Variants in PPP3CA observed in about 807,000 individuals in gnomAD.
PPP3CA encodes the protein protein phosphatase 3 catalytic subunit alpha.
A neutral mutation model predicts 66.5 loss-of-function variants in PPP3CA; 14 were observed. The ratio of observed to expected loss-of-function variants is 0.21; its 90% CI spans 0.14 to 0.33. The LOEUF (loss-of-function observed/expected upper bound fraction) is 0.33, where lower values mean the gene tolerates loss of function less well. Ranked by LOEUF, PPP3CA falls within the 10% of genes least tolerant of loss-of-function variation. The probability of loss-of-function intolerance (pLI) is 1.00; values close to 1 mark genes in which losing one functional copy is unlikely to be tolerated. For missense variants in PPP3CA, 317 were observed against 639.5 expected (o/e 0.50, Z 5.44); for synonymous variants, 232 against 226.2 (o/e 1.03, Z -0.23).
At chr4:101,277,384 C>T (rs1727535804) in intron 1 of PPP3CA, among the ~76,000 whole-genome samples, 2 of 152,172 alleles carry the variant, frequency 1.3e-5, no homozygotes, top group Non-Finnish European at 2.9e-5. Flanking sequence ...CGTGGACCTA[C>T]ATTTCCAATT....
intron 11 of PPP3CA, among the ~76,000 whole-genome samples, chr4:101,035,298 C>T (rs1299900761): frequency 6.7e-6 from 1 of 149,642 alleles, no homozygotes; most frequent in Admixed American, 6.6e-5. Flanking sequence ...ACAAAACCCC[C>T]CCAAAAACAT....
At chr4:101,098,836 A>G (rs548079194) in intron 4 of PPP3CA, among the ~76,000 whole-genome samples, 8 of 152,288 alleles carry the variant, frequency 5.3e-5, no homozygotes, top group Admixed American at 2.0e-4. Flanking sequence ...CTGGAAGACC[A>G]ATAGAAAAAC....
rs575020458 is a variant in PPP3CA at position 101,112,013 on chromosome 4, T to C, written c.260-2935A>G. Reference sequence around the variant, plus strand: ...CCCTTCTAGCTTCTTGTATCTTTTTTACTCTTCCATTTTAATTCCTGGCCA... The same window carrying C: ...CCCTTCTAGCTTCTTGTATCTTTTTCACTCTTCCATTTTAATTCCTGGCCA... On this transcript the variant is annotated intron_variant, in intron 2 of 13. Transcript: ENST00000394854. Among the ~76,000 whole-genome samples, 35 of 152,276 alleles carry C rather than the reference T, an allele frequency of 2.3e-4. No individual in the cohort carries two copies. The East Asian group carries it at 4.0e-3, about 18-fold the overall frequency.
chr4:101,265,042 T>G (rs752082425), intron 1 of PPP3CA, among the ~76,000 whole-genome samples: 14 of 152,150 alleles, frequency 9.2e-5, no homozygotes, highest in Non-Finnish European at 1.6e-4. Context: ...AACCAAAAAT[T>G]TATATTACCA....
chr4:101,189,201 T>C (rs1291009210), intron 2 of PPP3CA, among the ~76,000 whole-genome samples: 1 of 152,098 alleles, frequency 6.6e-6, no homozygotes, highest in Non-Finnish European at 1.5e-5. Flanking sequence ...AACACACACA[T>C]ATATAAACAC....
intron 1 of PPP3CA, among the ~76,000 whole-genome samples, chr4:101,337,646 A>C (rs1729672134): frequency 6.6e-6 from 1 of 152,228 alleles, no homozygotes; most frequent in Admixed American, 6.5e-5. Context: ...AGTGAGACAA[A>C]GTATATCCCG....
intron 8 of PPP3CA, 83 bp downstream of exon 8, chr4:101,080,449 C>G (rs1002159827): frequency 1.4e-6 from 1 of 706,064 alleles, no homozygotes; most frequent in Non-Finnish European, 2.1e-6. Context: ...GGTTAAAATA[C>G]TTAAGACCAA....
chr4:101,208,748 C>T (rs1249251296), intron 1 of PPP3CA, among the ~76,000 whole-genome samples: 1 of 152,066 alleles, frequency 6.6e-6, no homozygotes, highest in Non-Finnish European at 1.5e-5. Flanking sequence ...TTGTTTATGG[C>T]ATATAATTGA....
At chr4:101,117,596 A>G (rs1721883889) in intron 2 of PPP3CA, among the ~76,000 whole-genome samples, 1 of 151,896 alleles carries the variant, frequency 6.6e-6, no homozygotes, top group Non-Finnish European at 1.5e-5. Context: ...AAGGGTTTAT[A>G]ATAGCATCAT....
At chr4:101,038,514 C>G (rs1357710191) in intron 11 of PPP3CA, among the ~76,000 whole-genome samples, 2 of 151,908 alleles carry the variant, frequency 1.3e-5, no homozygotes, top group African/African-American at 4.8e-5. Flanking sequence ...GGATTACAGG[C>G]ACGTGTCACC....
chr4:101,026,565 G>T (rs1726660923), intron 13 of PPP3CA, among the ~76,000 whole-genome samples: 2 of 152,136 alleles, frequency 1.3e-5, no homozygotes, highest in South Asian at 4.1e-4. Flanking sequence ...GGAGCTAAAA[G>T]GAGCTAGAAA....
intron 2 of PPP3CA, among the ~76,000 whole-genome samples, chr4:101,150,451 T>C (rs1723102051): frequency 6.6e-6 from 1 of 152,204 alleles, no homozygotes; most frequent in Non-Finnish European, 1.5e-5. Flanking sequence ...GTTTCACGTT[T>C]CTCATTCATT....
chr4:101,275,746 C>T (rs1201942179), intron 1 of PPP3CA, among the ~76,000 whole-genome samples: 1 of 152,032 alleles, frequency 6.6e-6, no homozygotes, highest in African/African-American at 2.4e-5. Context: ...TATTTAACTG[C>T]TTTTCAATCT....
rs529765390 is a variant in PPP3CA, at chr4:101,315,227, G to A, written c.58+31512C>T. ...AAGACACACATCTATGAAGGAAATA[G>A]GCTCTCATCAGAATCTGCCCATGCT... On this transcript the variant is annotated intron_variant, in intron 1 of 13. Transcript: ENST00000394854. 2.6e-3 allele frequency among the ~76,000 whole-genome samples: 390 copies of A among 152,284 alleles called. 1 individual carries two copies. The highest frequency in any genetic ancestry group is 2.7e-3 in the Non-Finnish European group (185 of 68,032).
chr4:101,189,105 C>G (rs963751369), intron 2 of PPP3CA, among the ~76,000 whole-genome samples: 1 of 151,934 alleles, frequency 6.6e-6, no homozygotes, highest in Non-Finnish European at 1.5e-5. Context: ...ACTAAGAAGA[C>G]AGAAATCAAT....
chr4:101,126,776 CAGA>C (rs981923936), intron 2 of PPP3CA, among the ~76,000 whole-genome samples: 1 of 152,148 alleles, frequency 6.6e-6, no homozygotes, highest in Non-Finnish European at 1.5e-5. Context: ...TTCTCATTCC[CAGA>C]AGATCTCAAA....
At chr4:101,330,262 T>C (rs748844420) in intron 1 of PPP3CA, 9 of 426,616 alleles carry the variant, frequency 2.1e-5, no homozygotes, top group Middle Eastern at 5.5e-4. Context: ...AAGTGAATCC[T>C]GAAGATAGGA....
intron 2 of PPP3CA, among the ~76,000 whole-genome samples, chr4:101,154,843 G>A (rs1210542151): frequency 3.0e-5 from 3 of 100,510 alleles, no homozygotes. Context: ...TTGTGATGGA[G>A]TCTCACTCTG....
At chr4:101,042,173 C>CTT (rs558866853) in intron 10 of PPP3CA, among the ~76,000 whole-genome samples, 12,702 of 91,032 alleles carry the variant, frequency 0.14, 1,946 homozygotes, top group African/African-American at 0.37. Context: ...AAGGTCTTTG[C>CTT]TTTTTTTTTT....
Sources: allele counts gnomAD v4.1 joint callset (sites outside exome capture counted in the v4.1 genomes callset), GRCh38; gene constraint gnomAD v4.1.1; transcripts MANE v1.5; gene names NCBI Gene and HGNC (gene_info 2026-07-23, HGNC 2026-07-21).